SPATS2: variants seen among roughly 807,000 people sequenced by gnomAD.
The protein encoded by SPATS2 is spermatogenesis-associated serine-rich protein 2.
Under a neutral mutation model 63.7 loss-of-function variants are expected in SPATS2, and 38 were observed. That is an observed-to-expected ratio of 0.60 (90% confidence interval 0.46 to 0.78). The LOEUF (loss-of-function observed/expected upper bound fraction) is 0.78, where lower values mean the gene tolerates loss of function less well. Ranked by LOEUF, SPATS2 falls within the 30% of genes least tolerant of loss-of-function variation. The pLI is 0.00. For synonymous variants in SPATS2, 207 were observed against 232.9 expected (o/e 0.89, Z 1.01); for missense variants, 588 against 666.2 (o/e 0.88, Z 1.29).
chr12:49,446,190 C>T (rs114960338), intron 2 of SPATS2, among the ~76,000 whole-genome samples: 1,955 of 152,296 alleles, frequency 0.013, 50 homozygotes, highest in African/African-American at 0.044. Flanking sequence ...AGGTGTGAGC[C>T]ACCACACCCA....
chr12:49,386,304 C>T (rs1021904164), intron 2 of SPATS2, among the ~76,000 whole-genome samples: 2 of 151,982 alleles, frequency 1.3e-5, no homozygotes, highest in Admixed American at 6.6e-5. Context: ...GCTGGGATTA[C>T]AGGCGTGCGC....
intron 2 of SPATS2, among the ~76,000 whole-genome samples, chr12:49,435,102 C>T (rs1266280862): frequency 2.0e-5 from 3 of 146,668 alleles, no homozygotes; most frequent in Non-Finnish European, 1.5e-5. Flanking sequence ...GCAATCTCAG[C>T]TCACTGCAAG....
intron 2 of SPATS2, among the ~76,000 whole-genome samples, chr12:49,429,784 TTC>T (rs1383326497): frequency 7.7e-6 from 1 of 130,338 alleles, no homozygotes; most frequent in East Asian, 2.0e-4. Flanking sequence ...CTTCTTCTTC[TTC>T]TTTTTTTTTT....
At chr12:49,396,173 G>A (rs1380217232) in intron 2 of SPATS2, among the ~76,000 whole-genome samples, 2 of 152,034 alleles carry the variant, frequency 1.3e-5, no homozygotes, top group African/African-American at 2.4e-5. Context: ...TCCACATCTT[G>A]GCCATTGTGA....
At chr12:49,422,159 C>T (rs1033307729) in intron 2 of SPATS2, among the ~76,000 whole-genome samples, 4 of 152,070 alleles carry the variant, frequency 2.6e-5, no homozygotes, top group Admixed American at 6.6e-5. Flanking sequence ...CTAGCACATT[C>T]CTGATGTTGA....
At position 49,402,544 on chromosome 12, in the gene SPATS2, G is replaced by A. The variant is rs186892433; in HGVS notation, c.-244+31254G>A. Among the ~76,000 whole-genome samples, 371 of 152,294 alleles carry A rather than the reference G, an allele frequency of 2.4e-3. 1 individual carries two copies. Among genetic ancestry groups the A allele is most frequent in the African/African-American group, 8.5e-3 (353 of 41,556 alleles). On this transcript the variant is annotated intron_variant, in intron 2 of 13. Coordinates refer to ENST00000552918, the MANE Select transcript of SPATS2 (RefSeq NM_023071.4). Reference sequence around the variant, plus strand: ...TATTGACTGTGGGAGTGAGTGGAATGTAGGGTAAAGGACGAGATTGTCGTA... The same window carrying A: ...TATTGACTGTGGGAGTGAGTGGAATATAGGGTAAAGGACGAGATTGTCGTA...
At position 49,514,556 on chromosome 12, in the gene SPATS2, T is replaced by G. The variant is rs1249833378; in HGVS notation, c.841T>G (p.Leu281Val). The G allele has an allele frequency of 6.2e-7, 1 of 1,612,926 alleles. No individual in the cohort carries two copies. Among genetic ancestry groups the G allele is most frequent in the Non-Finnish European group, 8.5e-7 (1 of 1,179,536 alleles). ...TATTCCTTTGTCATCTTTTCCTAGT[T>G]TAATGGATCGAGAAGTGGCGTTGCT... ...KQAFAELESC[L>V]MDREVALLAE... The change falls in exon 10 of 14, where the codon TTA (leucine) becomes GTA (valine). Residue 281 changes from leucine (L) to valine (V), a missense_variant and splice_region_variant. By Grantham distance (32) the Leu-to-Val change is conservative. Transcript: ENST00000552918.
In SPATS2 at chr12:49,466,657, G is replaced by A. The variant is rs183818275; in HGVS notation, c.25+5620G>A. ...TCTGTTCTGTTACATTGATGTATAT[G>A]TCTGTCTTTATGCTAGTACACTGTA... On this transcript the variant is annotated intron_variant, in intron 3 of 13. Transcript: ENST00000552918. Among the ~76,000 whole-genome samples the A allele has an allele frequency of 1.1e-3, 174 of 152,260 alleles. 2 individuals carry two copies. Among genetic ancestry groups the A allele is most frequent in the Admixed American group, 7.7e-3 (117 of 15,292 alleles).
chr12:49,512,980 G>A (rs1592474428), intron 9 of SPATS2: 3 of 1,198,266 alleles, frequency 2.5e-6, no homozygotes, highest in Non-Finnish European at 3.3e-6. Flanking sequence ...TGATGCTTTT[G>A]GATTAATATG....
intron 2 of SPATS2, among the ~76,000 whole-genome samples, chr12:49,385,796 C>T (rs1173748074): frequency 6.6e-6 from 1 of 151,274 alleles, no homozygotes; most frequent in Non-Finnish European, 1.5e-5. Context: ...CATTGAGAGC[C>T]CCTTGAGGTT....
At chr12:49,475,937 C>G (rs539777255) in intron 3 of SPATS2, among the ~76,000 whole-genome samples, 2 of 151,912 alleles carry the variant, frequency 1.3e-5, no homozygotes, top group East Asian at 3.9e-4. Context: ...ATAGGGAAGT[C>G]GGGAAGGGAA....
At chr12:49,461,776 T>G (rs1945826121) in intron 3 of SPATS2, among the ~76,000 whole-genome samples, 1 of 152,184 alleles carries the variant, frequency 6.6e-6, no homozygotes, top group South Asian at 2.1e-4. Context: ...AAACCTAATT[T>G]TGACTTGATA....
chr12:49,440,749 G>A (rs1433703817), intron 2 of SPATS2, among the ~76,000 whole-genome samples: 2 of 152,186 alleles, frequency 1.3e-5, no homozygotes, highest in African/African-American at 4.8e-5. Flanking sequence ...TTACAGGCAT[G>A]AGCCACTGTG....
intron 2 of SPATS2, among the ~76,000 whole-genome samples, chr12:49,406,012 C>G (rs889243332): frequency 5.9e-5 from 9 of 151,850 alleles, no homozygotes; most frequent in Non-Finnish European, 1.2e-4. Flanking sequence ...CAGAACAATG[C>G]CTTTGGTTTG....
intron 2 of SPATS2, among the ~76,000 whole-genome samples, chr12:49,378,703 C>T (rs1042582406): frequency 2.0e-5 from 3 of 151,872 alleles, no homozygotes; most frequent in African/African-American, 7.3e-5. Context: ...TCAGGCAATC[C>T]CCTTGCCTCT....
chr12:49,425,672 C>T (rs936403864), intron 2 of SPATS2, among the ~76,000 whole-genome samples: 1 of 151,436 alleles, frequency 6.6e-6, no homozygotes, highest in African/African-American at 2.4e-5. Context: ...CTCTGTTGCC[C>T]AGGCTGGAGT....
intron 11 of SPATS2, 152 bp from the exon 12 acceptor site, chr12:49,522,599 G>C (rs780646094): frequency 1.9e-6 from 1 of 519,678 alleles, no homozygotes; most frequent in East Asian, 3.5e-5. Flanking sequence ...GAATTTATTC[G>C]ATCACCTGGC....
At chr12:49,447,326 C>T (rs976674427) in intron 2 of SPATS2, among the ~76,000 whole-genome samples, 6 of 152,136 alleles carry the variant, frequency 3.9e-5, no homozygotes, top group African/African-American at 1.2e-4. Flanking sequence ...GCAACCTCCG[C>T]CTCCTGGGTT....
chr12:49,437,943 A>G (rs1293271995), intron 2 of SPATS2, among the ~76,000 whole-genome samples: 1 of 152,118 alleles, frequency 6.6e-6, no homozygotes, highest in Non-Finnish European at 1.5e-5. Flanking sequence ...TTTTCCCTAG[A>G]TTTTACATAA....
Sources: gnomAD v4.1 joint callset for allele counts (sites outside exome capture counted in the v4.1 genomes callset) on GRCh38, gnomAD v4.1.1 for gene constraint, MANE v1.5 for transcripts, NCBI Gene and HGNC (gene_info 2026-07-23, HGNC 2026-07-21) for gene names.